RBFOX2: variants seen among roughly 807,000 people sequenced by gnomAD.
The protein encoded by RBFOX2 is RNA binding protein fox-1 homolog 2.
RBFOX2 carries 10 observed loss-of-function variants against 49.1 expected under a neutral mutation model. That is an observed-to-expected ratio of 0.20 (90% CI 0.13 to 0.35). The LOEUF (loss-of-function observed/expected upper bound fraction) is 0.35. Ranked by LOEUF, RBFOX2 falls within the 10% of genes least tolerant of loss-of-function variation. The probability of loss-of-function intolerance (pLI) is 1.00; values close to 1 mark genes in which losing one functional copy is unlikely to be tolerated. For missense variants in RBFOX2, 323 were observed against 486.9 expected (o/e 0.66, Z 3.17); for synonymous variants, 183 against 187.4 (o/e 0.98, Z 0.19).
At chr22:35,981,476 T>C (rs2057453066) in intron 1 of RBFOX2, among the ~76,000 whole-genome samples, 1 of 151,976 alleles carries the variant, frequency 6.6e-6, no homozygotes, top group Non-Finnish European at 1.5e-5. Flanking sequence ...TCCTTATCTC[T>C]ACTAAAAATA....
chr22:35,819,405 A>G (rs1953948356), intron 1 of RBFOX2, among the ~76,000 whole-genome samples: 1 of 151,930 alleles, frequency 6.6e-6, no homozygotes, highest in East Asian at 1.9e-4. Flanking sequence ...TCTAAATAAC[A>G]TTTTTTTTGG....
chr22:35,807,607 T>C (rs1030994335), intron 2 of RBFOX2, among the ~76,000 whole-genome samples: 1 of 152,034 alleles, frequency 6.6e-6, no homozygotes, highest in African/African-American at 2.4e-5. Context: ...AGGGAAACTT[T>C]CTGTGTTTAC....
chr22:35,761,320 AAATGCAAGAAGATTAAAAAGG>A (rs768523977), intron 7 of RBFOX2, 26 bp from the exon 9 acceptor site: 1 of 1,613,832 alleles, frequency 6.2e-7, no homozygotes, highest in South Asian at 1.1e-5. Flanking sequence ...AAAAATTTAA[AAATGCAAGAAGATTAAAAAGG>A]AGTCACAAAT....
chr22:35,983,339 A>G (rs1385875187), intron 1 of RBFOX2, among the ~76,000 whole-genome samples: 1 of 152,144 alleles, frequency 6.6e-6, no homozygotes, highest in Non-Finnish European at 1.5e-5. Context: ...CTTATTAACT[A>G]TAGTTGTCAA....
At chr22:35,894,497 T>C (rs1242018418) in intron 1 of RBFOX2, among the ~76,000 whole-genome samples, 1 of 152,124 alleles carries the variant, frequency 6.6e-6, no homozygotes, top group Non-Finnish European at 1.5e-5. Flanking sequence ...CCAGGAAGAC[T>C]GCAGTTCCTG....
At chr22:35,803,339 T>G (rs1448133551) in intron 2 of RBFOX2, among the ~76,000 whole-genome samples, 1 of 152,038 alleles carries the variant, frequency 6.6e-6, no homozygotes, top group Admixed American at 6.6e-5. Flanking sequence ...GGCCCAGATG[T>G]TGGATTTAGC....
chr22:35,893,697 G>A (rs1167124596), intron 1 of RBFOX2, among the ~76,000 whole-genome samples: 1 of 152,184 alleles, frequency 6.6e-6, no homozygotes, highest in Non-Finnish European at 1.5e-5. Context: ...GGAGAAGCAC[G>A]AAAAGCAGCC....
At chr22:36,015,898 T>C (rs1198730104) in intron 1 of RBFOX2, among the ~76,000 whole-genome samples, 1 of 152,186 alleles carries the variant, frequency 6.6e-6, no homozygotes, top group Non-Finnish European at 1.5e-5. Flanking sequence ...AGGCTGTAAG[T>C]GTGACTGTAT....
chr22:35,781,475 G>C lies in RBFOX2; in HGVS notation c.399+125C>G, dbSNP rs144771273. ...GCTTCTAAAGACTGATGAAAAGACT[G>C]ATTTACCTCAGGTTCTTTCAATCTA... is the stretch of plus-strand genomic sequence containing the variant. On this transcript the variant is annotated intron_variant, in intron 3 of 11. Transcript: ENST00000405409. The C allele has an allele frequency of 1.2e-4, 155 of 1,264,502 alleles. No homozygotes were observed. The East Asian group carries it at 3.5e-3, about 29-fold the overall frequency. The allele number at this position is 1,264,502 out of a possible 1,614,324, so 78.3% of individuals were successfully genotyped here.
At chr22:35,847,137 A>C (rs2041318708) in intron 1 of RBFOX2, among the ~76,000 whole-genome samples, 1 of 152,230 alleles carries the variant, frequency 6.6e-6, no homozygotes, top group Non-Finnish European at 1.5e-5. Flanking sequence ...ATCACAAGCA[A>C]GCCTGTATCT....
chr22:35,999,841 G>T (rs373397596), intron 1 of RBFOX2: 1 of 152,014 alleles, frequency 6.6e-6, no homozygotes, highest in East Asian at 1.9e-4. Flanking sequence ...TTTCACAGAC[G>T]ACATGTATCC....
chr22:35,935,571 T>C (rs1468054883), intron 1 of RBFOX2, among the ~76,000 whole-genome samples: 1 of 152,178 alleles, frequency 6.6e-6, no homozygotes, highest in Non-Finnish European at 1.5e-5. Context: ...GTGGTACACT[T>C]GGTGCTAACA....
chr22:35,760,080 G>C (rs752247430), intron 8 of RBFOX2, 60 bp from the exon 10 acceptor site: 10 of 1,592,398 alleles, frequency 6.3e-6, no homozygotes, highest in Non-Finnish European at 7.7e-6. Context: ...AAGGTGCACA[G>C]TCACAACTTG....
intron 1 of RBFOX2, among the ~76,000 whole-genome samples, chr22:36,007,004 T>C (rs891073661): frequency 6.6e-6 from 1 of 152,140 alleles, no homozygotes; most frequent in Admixed American, 6.5e-5. Flanking sequence ...AACCCATGGG[T>C]GCATGTCTAG....
chr22:35,910,948 G>A (rs1199516424), intron 1 of RBFOX2, among the ~76,000 whole-genome samples: 4 of 152,056 alleles, frequency 2.6e-5, no homozygotes, highest in African/African-American at 9.7e-5. Context: ...AGTTCAGTGG[G>A]ACTTATTTTA....
rs779802407 is a variant in RBFOX2 at position 35,749,645 on chromosome 22, GAAATTTCAGGCTGAGA to G, written c.888-3100_888-3085del. ...TCTATTCCAGATTTCAAAGTGCATA[GAAATTTCAGGCTGAGA>G]AACCGTTTTTTCAGCTTTCACTCTT... On this transcript the variant is annotated intron_variant, in intron 9 of 11. Coordinates refer to ENST00000405409, the Ensembl canonical transcript of RBFOX2. The surrounding 1 kb of genome is among the most constrained non-coding windows in gnomAD (Gnocchi z 4.1). 1.5e-3 allele frequency among the ~76,000 whole-genome samples: 224 copies of G among 152,240 alleles called. No homozygotes were observed. Among genetic ancestry groups the G allele is most frequent in the Middle Eastern group, 3.4e-3 (1 of 294 alleles).
intron 4 of RBFOX2, among the ~76,000 whole-genome samples, chr22:35,771,759 C>A (rs1264535535): frequency 6.6e-6 from 1 of 152,116 alleles, no homozygotes; most frequent in Non-Finnish European, 1.5e-5. Context: ...GAACTCAGAT[C>A]TTAAAATATT....
intron 1 of RBFOX2, among the ~76,000 whole-genome samples, chr22:35,810,582 A>G (rs908435834): frequency 2.5e-4 from 38 of 152,216 alleles, no homozygotes; most frequent in Non-Finnish European, 4.4e-5. Context: ...ATTCATTGAA[A>G]ATGAAATACA....
chr22:35,752,734 G>A lies in RBFOX2; in HGVS notation c.888-6173C>T. On this transcript the variant is annotated intron_variant, in intron 9 of 11. Transcript: ENST00000405409. ...CAATCATACAAAAAGCCCACTAAGG[G>A]GCCCACCAGCCTTTTCTTTCCTTTG... The A allele has an allele frequency of 6.8e-6, 5 of 732,322 alleles. No homozygotes were observed. In the South Asian group the frequency reaches 2.5e-4, roughly 36 times the overall value. The allele number at this position is 732,322 out of a possible 1,614,324, so 45.4% of individuals were successfully genotyped here. A position where few individuals can be genotyped will look rare whatever the true frequency, so the allele number is the denominator to read the frequency against.
Sources: allele counts gnomAD v4.1 joint callset (sites outside exome capture counted in the v4.1 genomes callset), GRCh38; gene constraint gnomAD v4.1.1; non-coding constraint Gnocchi (gnomAD v3.1); transcripts MANE v1.5; gene names NCBI Gene and HGNC (gene_info 2026-07-23, HGNC 2026-07-21).